MYO16: variants seen among roughly 807,000 people sequenced by gnomAD.
The protein encoded by MYO16 is myosin XVI, also known as unconventional myosin-XVI.
MYO16 carries 94 observed loss-of-function variants against 205.3 expected under a neutral mutation model. The observed-to-expected ratio is 0.46, with a 90% CI of 0.39 to 0.54. The LOEUF (loss-of-function observed/expected upper bound fraction) is 0.54, where lower values mean the gene tolerates loss of function less well. Ranked by LOEUF, MYO16 falls within the 20% of genes least tolerant of loss-of-function variation. The pLI is 0.00. For missense variants in MYO16, 2,315 were observed against 2,387.5 expected, an observed-to-expected ratio of 0.97 and a Z score of 0.63; for synonymous variants, 988 against 954.0, an observed-to-expected ratio of 1.04 and a Z score of -0.66.
chr13:109,140,405 C>T lies in MYO16; in HGVS notation c.4193C>T (p.Pro1398Leu). The change falls in exon 32 of 35, where the codon CCC becomes CTC. Residue 1398 changes from proline (P) to leucine (L), a missense_variant. Around this residue, in one of 3 missense-constraint regions of MYO16, gnomAD observed 1,097 missense variants for 1,092.0 expected, o/e 1.00. Coordinates refer to ENST00000457511, the MANE Select transcript of MYO16 (RefSeq NM_001198950.3). This position sits in a 1 kb window ranked among gnomAD's most constrained non-coding sequence, Gnocchi z 8.0. ...GGGTCCCGGCCCGGGGACGCGAGGC[C>T]CGCGGGCGCCCCGGGGGCAGCAGCG... ...ISGSRPGDAR[P>L]AGAPGAAARV... is the part of the protein sequence containing the mutation. 1.3e-6 allele frequency: 2 copies of T among 1,586,160 alleles called. No homozygotes were observed. Among genetic ancestry groups the T allele is most frequent in the Non-Finnish European group, 1.7e-6 (2 of 1,172,124 alleles).
chr13:109,152,561 G>A (rs981205456), intron 32 of MYO16, among the ~76,000 whole-genome samples: 1 of 152,220 alleles, frequency 6.6e-6, no homozygotes, highest in Non-Finnish European at 1.5e-5. Flanking sequence ...ATCTGGAGAT[G>A]TGGGATCATA....
the MYO16 span, among the ~76,000 whole-genome samples, chr13:108,573,065 C>T: frequency 5.9e-4 from 90 of 152,310 alleles, no homozygotes; most frequent in Admixed American, 1.1e-3. Flanking sequence ...CTCTCAATGC[C>T]TCCTCGCTTC....
intron 14 of MYO16, among the ~76,000 whole-genome samples, chr13:108,894,123 G>A (rs886732816): frequency 6.6e-6 from 1 of 152,126 alleles, no homozygotes; most frequent in Non-Finnish European, 1.5e-5. Context: ...AGCATGCGCA[G>A]GGGAAACTGC....
rs1228587089 is a variant in MYO16, at chr13:109,141,954, C to T, written c.5164+578C>T. ...CATCCAAGGAGCACTCTAACGCAGC[C>T]CCGTTATCTGTGTTTTCTCATCCAG... On this transcript the variant is annotated intron_variant, in intron 32 of 34. Transcript: ENST00000457511. This position sits in a 1 kb window ranked among gnomAD's most constrained non-coding sequence, Gnocchi z 4.1. Among the ~76,000 whole-genome samples, 2 of 152,150 alleles carry T rather than the reference C, an allele frequency of 1.3e-5. No homozygotes were observed. The highest frequency in any genetic ancestry group is 2.9e-5 in the Non-Finnish European group (2 of 68,022).
At chr13:108,764,958 T>C (rs1211664420) in intron 4 of MYO16, among the ~76,000 whole-genome samples, 4 of 152,206 alleles carry the variant, frequency 2.6e-5, no homozygotes, top group Admixed American at 1.3e-4. Context: ...ATTTTCTCAA[T>C]AAATATAACA....
At chr13:108,608,713 G>A (rs1356739309) in intron 1 of MYO16, among the ~76,000 whole-genome samples, 1 of 151,946 alleles carries the variant, frequency 6.6e-6, no homozygotes, top group African/African-American at 2.4e-5. Context: ...CACGATCTCA[G>A]CTCACTGCAA....
chr13:108,574,123 G>A, the MYO16 span, among the ~76,000 whole-genome samples: 5 of 152,164 alleles, frequency 3.3e-5, no homozygotes, highest in South Asian at 2.1e-4. Flanking sequence ...AAAGTGCTGC[G>A]ATTACAGGCA....
At chr13:108,626,426 T>A (rs1395471157), upstream of MYO16, among the ~76,000 whole-genome samples, 1 of 152,196 alleles carries the variant, frequency 6.6e-6, no homozygotes, top group Non-Finnish European at 1.5e-5. Context: ...ATGACCATAT[T>A]CTGCAAAATA....
chr13:109,146,777 C>T (rs188778561), intron 32 of MYO16, among the ~76,000 whole-genome samples: 299 of 149,706 alleles, frequency 2.0e-3, no homozygotes, highest in Non-Finnish European at 2.7e-3. Context: ...GGTTAGACCA[C>T]AGAGCAATAC....
chr13:108,636,624 C>T (rs974973471), intron 1 of MYO16, among the ~76,000 whole-genome samples: 6 of 152,042 alleles, frequency 3.9e-5, no homozygotes, highest in African/African-American at 9.7e-5. Flanking sequence ...TTGATCTGCC[C>T]GCCTTGGCCT....
At chr13:109,021,575 A>G (rs1886022961) in intron 23 of MYO16, among the ~76,000 whole-genome samples, 1 of 152,196 alleles carries the variant, frequency 6.6e-6, no homozygotes, top group African/African-American at 2.4e-5. Context: ...TCCCAGTGCA[A>G]GGATATGTGG....
upstream of MYO16, among the ~76,000 whole-genome samples, chr13:108,627,935 G>A (rs1157381414): frequency 6.6e-6 from 1 of 152,034 alleles, no homozygotes; most frequent in East Asian, 1.9e-4. Context: ...TAAGAGAAGG[G>A]GGTAGGGACA....
chr13:108,786,148 T>C (rs1886451224), intron 5 of MYO16, among the ~76,000 whole-genome samples: 1 of 152,190 alleles, frequency 6.6e-6, no homozygotes, highest in Non-Finnish European at 1.5e-5. Context: ...CTAGCTGGAA[T>C]TAGAGGCAAG....
At chr13:108,702,411 A>C (rs574453312) in intron 2 of MYO16, among the ~76,000 whole-genome samples, 1 of 152,332 alleles carries the variant, frequency 6.6e-6, no homozygotes, top group East Asian at 1.9e-4. Context: ...AAAGTGCTAA[A>C]AAGGAAGACT....
At chr13:108,543,606 C>A in the MYO16 span, among the ~76,000 whole-genome samples, 1 of 143,300 alleles carries the variant, frequency 7.0e-6, no homozygotes, top group Non-Finnish European at 1.5e-5. Context: ...TGTGCCACTG[C>A]ACTCCAGCCT....
chr13:108,792,845 T>G (rs1886658502), intron 5 of MYO16, among the ~76,000 whole-genome samples: 1 of 152,124 alleles, frequency 6.6e-6, no homozygotes, highest in Non-Finnish European at 1.5e-5. Flanking sequence ...GATACTAGAT[T>G]GCTTTTAGGA....
chr13:109,022,657 ATATT>A (rs1363443716), intron 23 of MYO16, among the ~76,000 whole-genome samples: 3 of 123,102 alleles, frequency 2.4e-5, no homozygotes, highest in Non-Finnish European at 4.8e-5. Flanking sequence ...ACATATGTAT[ATATT>A]TATATATTAT....
In MYO16 at chr13:109,055,831, G is replaced by A. The variant is rs993994198; in HGVS notation, c.3335+236G>A. 2.6e-6 allele frequency: 1 copy of A among 385,196 alleles called. No homozygotes were observed. Among genetic ancestry groups the A allele is most frequent in the Admixed American group, 4.0e-5 (1 of 24,780 alleles). 23.9% of individuals were successfully genotyped at this position (385,196 alleles called of 1,614,324 possible). A position where few individuals can be genotyped will look rare whatever the true frequency, so the allele number is the denominator to read the frequency against. On this transcript the variant is annotated intron_variant, in intron 27 of 34. Transcript: ENST00000457511. The surrounding 1 kb of genome is among the most constrained non-coding windows in gnomAD (Gnocchi z 5.0). The stretch of plus-strand genomic sequence containing the variant: ...ACAGTATCTTGGAAACCATTCTCAT[G>A]TTCCTTTCAAAGTGTGGCTTTCCTT...
chr13:109,052,534 C>A (rs1887279294), intron 25 of MYO16, 59 bp downstream of exon 25: 6 of 1,275,558 alleles, frequency 4.7e-6, no homozygotes, highest in Non-Finnish European at 6.5e-6. Context: ...ATATTTGCTT[C>A]TTTTTTTTTA....
Sources: allele counts gnomAD v4.1 joint callset (sites outside exome capture counted in the v4.1 genomes callset), GRCh38; gene constraint gnomAD v4.1.1; regional missense constraint gnomAD v4.1.1; non-coding constraint Gnocchi (gnomAD v3.1); transcripts MANE v1.5; gene names NCBI Gene and HGNC (gene_info 2026-07-23, HGNC 2026-07-21).